Variants in RBFOX2 observed in about 807,000 individuals in gnomAD.
RBFOX2 encodes RNA binding fox-1 homolog 2, also known as RNA binding protein fox-1 homolog 2.
A neutral mutation model predicts 49.1 loss-of-function variants in RBFOX2; 10 were observed. The observed-to-expected ratio is 0.20, with a 90% CI of 0.13 to 0.35. The LOEUF (loss-of-function observed/expected upper bound fraction) is 0.35. Ranked by LOEUF, RBFOX2 falls within the 10% of genes least tolerant of loss-of-function variation. The pLI, the probability that RBFOX2 is intolerant of heterozygous loss-of-function variation, is 1.00. For synonymous variants in RBFOX2, 183 were observed against 187.4 expected (o/e 0.98, Z 0.19); for missense variants, 323 against 486.9 (o/e 0.66, Z 3.17).
At chr22:35,754,410 T>TAA (rs1936233900) in intron 9 of RBFOX2, among the ~76,000 whole-genome samples, 1 of 152,156 alleles carries the variant, frequency 6.6e-6, no homozygotes, top group African/African-American at 2.4e-5. Flanking sequence ...CAAGTCTTAA[T>TAA]AAGACATAAA....
At chr22:35,781,395 A>G (rs765379109) in intron 3 of RBFOX2, among the ~76,000 whole-genome samples, 9 of 152,198 alleles carry the variant, frequency 5.9e-5, no homozygotes, top group Non-Finnish European at 1.3e-4. Flanking sequence ...TCGCCACCTT[A>G]TGTGTGCAGC....
At chr22:35,904,263 G>A (rs1961683163) in intron 1 of RBFOX2, among the ~76,000 whole-genome samples, 1 of 151,988 alleles carries the variant, frequency 6.6e-6, no homozygotes, top group Middle Eastern at 3.2e-3. Flanking sequence ...CTGTTACTGT[G>A]CCCTGTTTAT....
intron 1 of RBFOX2, among the ~76,000 whole-genome samples, chr22:35,838,066 A>G (rs552838492): frequency 1.3e-5 from 2 of 152,280 alleles, no homozygotes; most frequent in East Asian, 3.9e-4. Flanking sequence ...ATAAATAATG[A>G]AAAGTCAAGT....
At chr22:35,799,235 T>C (rs1259607634) in intron 2 of RBFOX2, among the ~76,000 whole-genome samples, 1 of 152,194 alleles carries the variant, frequency 6.6e-6, no homozygotes, top group Non-Finnish European at 1.5e-5. Context: ...TCTTTGGTTA[T>C]TTATACCCAC....
chr22:35,977,722 C>CTATAGA lies in RBFOX2; in HGVS notation c.187-38826_187-38825insTCTATA, dbSNP rs1289842750. Among the ~76,000 whole-genome samples the CTATAGA allele has an allele frequency of 5.4e-3, 436 of 80,872 alleles. 11 individuals carry two copies. Among genetic ancestry groups the CTATAGA allele is most frequent in the African/African-American group, 0.011 (237 of 21,092 alleles). 53.1% of individuals were successfully genotyped at this position (80,872 alleles called of 152,430 possible). ...TGCATGTAAATTATACCTGAATGAA[C>CTATAGA]TATATATATATATATATATATATAT... On this transcript the variant is annotated intron_variant, in intron 1 of 13. Transcript: ENST00000438146.
At chr22:35,770,509 T>C (rs1942374111) in intron 4 of RBFOX2, among the ~76,000 whole-genome samples, 1 of 152,148 alleles carries the variant, frequency 6.6e-6, no homozygotes, top group Non-Finnish European at 1.5e-5. Context: ...ATTTTGAAGG[T>C]AAAGAAACTG....
At chr22:35,905,727 C>T (rs1163134802) in intron 1 of RBFOX2, among the ~76,000 whole-genome samples, 6 of 152,058 alleles carry the variant, frequency 3.9e-5, no homozygotes, top group African/African-American at 1.2e-4. Flanking sequence ...AAACACTGAA[C>T]AGTATAGCCT....
At chr22:35,881,605 TTTTTTTTAATGTCTAATGCAGTTG>T (rs1251524091) in intron 1 of RBFOX2, among the ~76,000 whole-genome samples, 2 of 145,272 alleles carry the variant, frequency 1.4e-5, no homozygotes, top group African/African-American at 5.1e-5. Flanking sequence ...AGGAAGAAAT[TTTTTTTTAATGTCTAATGCAGTTG>T]TTTTTTCACT....
At chr22:36,025,558 A>C (rs999410341) in intron 1 of RBFOX2, among the ~76,000 whole-genome samples, 7 of 152,174 alleles carry the variant, frequency 4.6e-5, no homozygotes, top group African/African-American at 1.4e-4. Context: ...CCTGGGATGT[A>C]GCAGCTGCTT....
At chr22:35,796,017 T>G (rs1948725689) in intron 2 of RBFOX2, among the ~76,000 whole-genome samples, 1 of 152,212 alleles carries the variant, frequency 6.6e-6, no homozygotes, top group Non-Finnish European at 1.5e-5. Flanking sequence ...TATTTTTTAA[T>G]GTTTAGCAAT....
intron 11 of RBFOX2, 112 bp downstream of exon 13, chr22:35,745,811 C>T (rs933096095): frequency 9.1e-7 from 1 of 1,100,814 alleles, no homozygotes; most frequent in Non-Finnish European, 1.4e-6. Context: ...GGCTTTAATA[C>T]CTTGATGGTG....
chr22:35,922,352 G>A lies in RBFOX2; in HGVS notation c.-34+16495C>T, dbSNP rs1470624803. 4.0e-5 allele frequency among the ~76,000 whole-genome samples: 6 copies of A among 151,738 alleles called. No homozygotes were observed. The East Asian group carries it at 5.8e-4, about 15-fold the overall frequency. Reference sequence around the variant, plus strand: ...TCCCAGCACTTTGGGAGGCCATCGCGGGCAGATCACGAGGTCAGGAGTTCG... The same window carrying A: ...TCCCAGCACTTTGGGAGGCCATCGCAGGCAGATCACGAGGTCAGGAGTTCG... On this transcript the variant is annotated intron_variant, in intron 1 of 13. Coordinates refer to the RBFOX2 transcript ENST00000359369.
At chr22:35,862,379 G>GA (rs932198241) in intron 1 of RBFOX2, among the ~76,000 whole-genome samples, 10 of 146,702 alleles carry the variant, frequency 6.8e-5, no homozygotes, top group African/African-American at 2.5e-4. Flanking sequence ...TTCTTTGGAG[G>GA]GGGGGGGGAA....
At chr22:35,889,366 CAA>C (rs2046977928) in intron 1 of RBFOX2, among the ~76,000 whole-genome samples, 1 of 152,086 alleles carries the variant, frequency 6.6e-6, no homozygotes, top group Non-Finnish European at 1.5e-5. Context: ...TTGAACATCT[CAA>C]AGTTACCCAA....
exon 1 of RBFOX2, chr22:35,840,419 CCTT>C (rs879921710): frequency 4.4e-5 from 64 of 1,470,984 alleles, no homozygotes; most frequent in Non-Finnish European, 5.1e-5. Context: ...CTCTCCCCCT[CCTT>C]CTTTCTCCAG....
At chr22:35,890,989 G>A (rs1245840468) in intron 1 of RBFOX2, among the ~76,000 whole-genome samples, 1 of 152,026 alleles carries the variant, frequency 6.6e-6, no homozygotes, top group African/African-American at 2.4e-5. Flanking sequence ...TAGCAATGTT[G>A]TGAGGATGAA....
rs1182636482 is a variant in RBFOX2 at position 35,749,148 on chromosome 22, C to T, written c.888-2587G>A. Reference sequence around the variant, plus strand: ...GGAGATGGAGAGAATCTATCTGTAGCGGTTTCCTTCTTTGATAAGTCAAGT... The same window carrying T: ...GGAGATGGAGAGAATCTATCTGTAGTGGTTTCCTTCTTTGATAAGTCAAGT... On this transcript the variant is annotated intron_variant, in intron 9 of 11. Coordinates refer to ENST00000405409, the Ensembl canonical transcript of RBFOX2. This position sits in a 1 kb window ranked among gnomAD's most constrained non-coding sequence, Gnocchi z 4.1. Among the ~76,000 whole-genome samples the T allele has an allele frequency of 2.6e-5, 4 of 152,164 alleles. No homozygotes were observed. Among genetic ancestry groups the T allele is most frequent in the Non-Finnish European group, 2.9e-5 (2 of 68,026 alleles).
At chr22:35,849,298 AAC>A (rs61515031) in intron 1 of RBFOX2, among the ~76,000 whole-genome samples, 10,750 of 132,870 alleles carry the variant, frequency 0.081, 516 homozygotes, top group African/African-American at 0.17. Flanking sequence ...TACACACACA[AAC>A]ACACACACAC....
At chr22:35,823,068 G>A (rs1362673023) in intron 1 of RBFOX2, among the ~76,000 whole-genome samples, 1 of 152,086 alleles carries the variant, frequency 6.6e-6, no homozygotes, top group Non-Finnish European at 1.5e-5. Flanking sequence ...TGATCCGCCC[G>A]CCTCGGCCTC....
Sources: gnomAD v4.1 joint callset for allele counts (sites outside exome capture counted in the v4.1 genomes callset) on GRCh38, gnomAD v4.1.1 for gene constraint, Gnocchi (gnomAD v3.1) non-coding constraint, MANE v1.5 for transcripts, NCBI Gene and HGNC (gene_info 2026-07-23, HGNC 2026-07-21) for gene names.